Variants in MAST4 observed in about 807,000 individuals in gnomAD.
MAST4 encodes the protein microtubule associated serine/threonine kinase family member 4, also known as microtubule-associated serine/threonine-protein kinase 4.
A neutral mutation model predicts 162.7 loss-of-function variants in MAST4; 89 were observed. The observed-to-expected ratio is 0.55, with a 90% CI of 0.46 to 0.65. MAST4 has a LOEUF of 0.65. Among genes scored for constraint, MAST4 ranks in the 30% least tolerant of loss-of-function variants. The probability of loss-of-function intolerance (pLI) is 0.00; values close to 1 mark genes in which losing one functional copy is unlikely to be tolerated. For synonymous variants in MAST4, 1,479 were observed against 1,361.1 expected (o/e 1.09, Z -1.91); for missense variants, 3,153 against 3,374.0 (o/e 0.93, Z 1.62).
intron 3 of MAST4, among the ~76,000 whole-genome samples, chr5:66,881,478 T>C (rs1761689777): frequency 6.6e-6 from 1 of 152,266 alleles, no homozygotes; most frequent in African/African-American, 2.4e-5. Context: ...ATTTTTCTCC[T>C]ATTTTGCAGC....
chr5:66,919,966 T>G (rs1033004027), intron 4 of MAST4, among the ~76,000 whole-genome samples: 2 of 61,516 alleles, frequency 3.3e-5, no homozygotes, highest in South Asian at 1.5e-3. Flanking sequence ...CCTTCCTTCC[T>G]TCCTTCCTTC....
chr5:66,997,128 CATATTAA>C (rs1212182786), intron 4 of MAST4, among the ~76,000 whole-genome samples: 1 of 151,886 alleles, frequency 6.6e-6, no homozygotes, highest in Non-Finnish European at 1.5e-5. Flanking sequence ...ATAAATATTG[CATATTAA>C]ATTATAATTC....
chr5:66,762,330 A>G (rs187766866), intron 2 of MAST4, among the ~76,000 whole-genome samples: 57 of 152,334 alleles, frequency 3.7e-4, no homozygotes, highest in Admixed American at 3.3e-3. Context: ...AGAATATGAA[A>G]AAAACATTTT....
At chr5:66,683,681 G>A (rs550301799) in intron 1 of MAST4, among the ~76,000 whole-genome samples, 4 of 152,248 alleles carry the variant, frequency 2.6e-5, no homozygotes, top group South Asian at 4.2e-4. Flanking sequence ...GACCTGCCTT[G>A]GGGTTGTTAA....
At chr5:66,988,911 G>C (rs1749791165) in intron 4 of MAST4, among the ~76,000 whole-genome samples, 1 of 152,154 alleles carries the variant, frequency 6.6e-6, no homozygotes, top group African/African-American at 2.4e-5. Flanking sequence ...GTGGCTTACA[G>C]CTTTATTCAG....
intron 13 of MAST4, 30 bp downstream of exon 13, chr5:67,118,779 T>C (rs1263997713): frequency 9.6e-6 from 13 of 1,361,088 alleles, no homozygotes; most frequent in Non-Finnish European, 1.3e-5. Flanking sequence ...AAATATGATG[T>C]TGGTTTTTCT....
chr5:66,931,249 A>T (rs1052221371), intron 4 of MAST4, among the ~76,000 whole-genome samples: 1 of 152,142 alleles, frequency 6.6e-6, no homozygotes, highest in Non-Finnish European at 1.5e-5. Context: ...GAATATGTTT[A>T]TCCTTATTTT....
intron 1 of MAST4, among the ~76,000 whole-genome samples, chr5:66,653,738 A>C (rs1746375097): frequency 6.6e-6 from 1 of 152,202 alleles, no homozygotes; most frequent in Admixed American, 6.5e-5. Context: ...AAAGCCCAGC[A>C]TAAGTCTGGC....
intron 3 of MAST4, among the ~76,000 whole-genome samples, chr5:66,867,385 A>T (rs768320799): frequency 1.3e-5 from 2 of 152,198 alleles, no homozygotes; most frequent in Non-Finnish European, 2.9e-5. Context: ...TGTTTACATG[A>T]TGCAAATTAA....
At chr5:66,636,728 G>A (rs1745147682) in intron 1 of MAST4, among the ~76,000 whole-genome samples, 1 of 152,178 alleles carries the variant, frequency 6.6e-6, no homozygotes. Context: ...GGCACAAATG[G>A]CCAGGATATA....
At chr5:66,751,263 T>A (rs569287700) in intron 1 of MAST4, among the ~76,000 whole-genome samples, 2 of 152,218 alleles carry the variant, frequency 1.3e-5, no homozygotes, top group African/African-American at 4.8e-5. Context: ...AGGAATGCAG[T>A]TCCTCACCAG....
chr5:67,103,584 G>A (rs1327617507), intron 9 of MAST4, among the ~76,000 whole-genome samples: 2 of 152,156 alleles, frequency 1.3e-5, no homozygotes, highest in African/African-American at 2.4e-5. Flanking sequence ...TATGGATTAG[G>A]CAGTGGGTGA....
At chr5:67,037,561 A>G (rs1561561012) in intron 4 of MAST4, among the ~76,000 whole-genome samples, 1 of 152,196 alleles carries the variant, frequency 6.6e-6, no homozygotes, top group East Asian at 1.9e-4. Flanking sequence ...GATCTTATCA[A>G]TTTTTAATAA....
At chr5:66,787,732 G>C (rs1002152143) in intron 2 of MAST4, among the ~76,000 whole-genome samples, 1 of 152,086 alleles carries the variant, frequency 6.6e-6, no homozygotes, top group African/African-American at 2.4e-5. Flanking sequence ...TTCTTTGTGT[G>C]GTCTGCTATC....
At chr5:67,150,866 CAG>C (rs1329290754) in intron 24 of MAST4, among the ~76,000 whole-genome samples, 3 of 152,102 alleles carry the variant, frequency 2.0e-5, no homozygotes, top group African/African-American at 7.2e-5. Context: ...TACATGAAGT[CAG>C]AGAGGGAAGG....
intron 5 of MAST4, among the ~76,000 whole-genome samples, chr5:67,083,808 T>C (rs147488203): frequency 3.9e-5 from 6 of 152,278 alleles, no homozygotes; most frequent in African/African-American, 7.2e-5. Context: ...TGCTACTCAG[T>C]AACTTTAAAC....
chr5:66,725,060 A>G (rs1751428146), intron 1 of MAST4, among the ~76,000 whole-genome samples: 1 of 151,902 alleles, frequency 6.6e-6, no homozygotes, highest in Non-Finnish European at 1.5e-5. Flanking sequence ...CATTTTAAAG[A>G]AATAGTGGTG....
chr5:66,900,122 A>G, intron 4 of MAST4, 140 bp downstream of exon 4: 1 of 609,290 alleles, frequency 1.6e-6, no homozygotes, highest in Non-Finnish European at 2.6e-6. Flanking sequence ...TTTATTTATA[A>G]AAGTCAAACA....
rs942556497 is a variant in MAST4, at chr5:66,696,560, C to T, written c.364-63149C>T. ...ATGATGGTCAAGTCAACATTCTGAC[C>T]GCTCTGGTGCTCGGCTTCCTCAGTC... On this transcript the variant is annotated intron_variant, in intron 1 of 28. Transcript: ENST00000403625. 5.9e-5 allele frequency among the ~76,000 whole-genome samples: 9 copies of T among 152,012 alleles called. No individual in the cohort carries two copies. The South Asian group carries it at 6.2e-4, about 11-fold the overall frequency.
Sources: gnomAD v4.1 joint callset for allele counts (sites outside exome capture counted in the v4.1 genomes callset) on GRCh38, gnomAD v4.1.1 for gene constraint, MANE v1.5 for transcripts, NCBI Gene and HGNC (gene_info 2026-07-23, HGNC 2026-07-21) for gene names.